Variants in ZEB1 observed in about 807,000 individuals in gnomAD.
The protein encoded by ZEB1 is zinc finger E-box-binding homeobox 1.
In ZEB1, 21 loss-of-function variants were observed where a neutral mutation model predicts 84.9. The observed-to-expected ratio is 0.25, with a 90% CI of 0.18 to 0.36. ZEB1 has a LOEUF of 0.36. ZEB1 is among the 10% of genes least tolerant of loss of function. The pLI, the probability that ZEB1 is intolerant of heterozygous loss-of-function variation, is 1.00. For missense variants in ZEB1, 1,104 were observed against 1,330.2 expected (o/e 0.83, Z 2.65); for synonymous variants, 420 against 471.1 (o/e 0.89, Z 1.41).
intron 4 of ZEB1, among the ~76,000 whole-genome samples, chr10:31,509,810 T>C (rs540494191): frequency 9.2e-5 from 14 of 152,338 alleles, no homozygotes; most frequent in Admixed American, 4.6e-4. Context: ...ATGTCAAATA[T>C]GGAAAACTAC....
rs983289858 is a variant in ZEB1, at chr10:31,328,191, A to C, written c.58+8899A>C. The stretch of plus-strand genomic sequence containing the variant: ...TTTCTTAGTTGTATTTTTTGTATTT[A>C]TATGTCTAATGCATCAGGAGTTCAC... On this transcript the variant is annotated intron_variant, in intron 1 of 8. Coordinates refer to ENST00000424869, the MANE Select transcript of ZEB1 (RefSeq NM_001174096.2). Among the ~76,000 whole-genome samples the C allele has an allele frequency of 2.0e-5, 3 of 152,068 alleles. No homozygotes were observed. The East Asian group carries it at 5.8e-4, about 29-fold the overall frequency.
intron 3 of ZEB1, among the ~76,000 whole-genome samples, chr10:31,500,407 A>G (rs1392977431): frequency 2.0e-5 from 3 of 151,996 alleles, no homozygotes; most frequent in African/African-American, 7.2e-5. Flanking sequence ...ATTAAGGGAA[A>G]ATTACCCTCA....
chr10:31,349,361 G>A (rs1405097279), intron 1 of ZEB1, among the ~76,000 whole-genome samples: 3 of 152,096 alleles, frequency 2.0e-5, no homozygotes, highest in Admixed American at 6.5e-5. Flanking sequence ...TGGCTCTTAC[G>A]AATAATGCTG....
rs1041866704 is a variant in ZEB1, at chr10:31,526,909, C to T, written c.3023C>T (p.Ser1008Leu). The change falls in exon 9 of 9, where the codon TCG becomes TTG. Residue 1008 changes from serine (S) to leucine (L), a missense_variant. Ser to Leu is a moderately radical substitution (Grantham distance 145, BLOSUM62 -2). Around this residue, in one of 7 missense-constraint regions of ZEB1, gnomAD observed 173 missense variants for 167.0 expected, o/e 1.04. Coordinates refer to ENST00000424869, the MANE Select transcript of ZEB1 (RefSeq NM_001174096.2). The stretch of plus-strand genomic sequence containing the variant: ...GAAGAGGCAGGGCCTGAAATCCTCT[C>T]GAATGAGCACGTGGGTGCCAGGGCG... ...EQEEAGPEILSNEHVGARASP... is the reference protein window; with the variant it reads ...EQEEAGPEILLNEHVGARASP... 3.7e-6 allele frequency: 6 copies of T among 1,614,068 alleles called. No homozygotes were observed. In the Admixed American group the frequency reaches 6.7e-5, roughly 18 times the overall value.
intron 1 of ZEB1, among the ~76,000 whole-genome samples, chr10:31,399,113 G>A (rs927260608): frequency 6.6e-6 from 1 of 151,448 alleles, no homozygotes; most frequent in African/African-American, 2.4e-5. Context: ...TCCTGCCTCA[G>A]CCTCCCATGT....
At chr10:31,362,647 G>A (rs2043490304) in intron 1 of ZEB1, among the ~76,000 whole-genome samples, 2 of 152,068 alleles carry the variant, frequency 1.3e-5, no homozygotes, top group South Asian at 4.1e-4. Context: ...AGATGGTGCG[G>A]TGGCCGGGCA....
At chr10:31,433,718 G>T (rs921232580) in intron 1 of ZEB1, among the ~76,000 whole-genome samples, 2 of 152,146 alleles carry the variant, frequency 1.3e-5, no homozygotes, top group Admixed American at 1.3e-4. Context: ...ACTTCATCAA[G>T]GATGTACTTA....
Position 31,528,071 on chromosome 10 carries a change from T to C in ZEB1, c.*807T>C, listed in dbSNP as rs781030918. On this transcript the variant is annotated 3_prime_UTR_variant, in exon 9 of 9. Coordinates refer to ENST00000424869, the MANE Select transcript of ZEB1 (RefSeq NM_001174096.2). ...CAGTGTTTGTGATTGTGTTTGAATA[T>C]GTGGTAACATATGAAGGATATGACA... 6 of 152,242 alleles carry C rather than the reference T, an allele frequency of 3.9e-5. No individual in the cohort carries two copies. The highest frequency in any genetic ancestry group is 7.3e-5 in the Non-Finnish European group (5 of 68,046). 9.4% of individuals were successfully genotyped at this position (152,242 alleles called of 1,614,324 possible). A position where few individuals can be genotyped will look rare whatever the true frequency, so the allele number is the denominator to read the frequency against.
intron 1 of ZEB1, among the ~76,000 whole-genome samples, chr10:31,443,268 A>T (rs887438188): frequency 6.6e-6 from 1 of 152,170 alleles, no homozygotes; most frequent in Non-Finnish European, 1.5e-5. Flanking sequence ...GTCAGCCTTT[A>T]GTCATATGTG....
intron 2 of ZEB1, among the ~76,000 whole-genome samples, chr10:31,469,918 C>G (rs1397385009): frequency 6.6e-6 from 1 of 152,218 alleles, no homozygotes; most frequent in Non-Finnish European, 1.5e-5. Flanking sequence ...AACCCCCGAG[C>G]AGCCTAACTG....
rs560126870 is a variant in ZEB1 at position 31,387,140 on chromosome 10, C to T, written c.58+67848C>T. 8.1e-6 allele frequency: 8 copies of T among 985,676 alleles called. 1 individual carries two copies. In the South Asian group the frequency reaches 3.3e-4, roughly 41 times the overall value. 61.1% of individuals were successfully genotyped at this position (985,676 alleles called of 1,614,324 possible). A position where few individuals can be genotyped will look rare whatever the true frequency, so the allele number is the denominator to read the frequency against. On this transcript the variant is annotated intron_variant, in intron 1 of 8. Transcript: ENST00000424869. ...CTCCCTTAGGACAACCTTAAACTTC[C>T]ACCACAAGAGGAATATAAAGAGGTC...
chr10:31,519,985 T>G, intron 6 of ZEB1, 141 bp from the exon 7 acceptor site: 1 of 1,133,092 alleles, frequency 8.8e-7, no homozygotes, highest in Non-Finnish European at 1.2e-6. Context: ...CTAAAAAGTT[T>G]ATTCTAAATA....
intron 2 of ZEB1, among the ~76,000 whole-genome samples, chr10:31,472,764 A>G (rs1019634773): frequency 5.2e-5 from 7 of 134,720 alleles, no homozygotes; most frequent in African/African-American, 2.2e-4. Flanking sequence ...AAAAAAGAGA[A>G]TTTTAGACCA....
At chr10:31,389,800 C>T (rs2135181649) in intron 1 of ZEB1, 1 of 152,110 alleles carries the variant, frequency 6.6e-6, no homozygotes, top group Admixed American at 6.6e-5. Flanking sequence ...AATATTATTC[C>T]AACATATAAT....
At chr10:31,320,206 A>C (rs2132861988) in intron 1 of ZEB1, 1 of 151,700 alleles carries the variant, frequency 6.6e-6, no homozygotes, top group Non-Finnish European at 1.5e-5. Flanking sequence ...AAGGCAGGAA[A>C]GGTACCCACT....
chr10:31,521,775 A>G lies in ZEB1; in HGVS notation c.2443A>G (p.Ile815Val), dbSNP rs757970056. 40 of 1,613,918 alleles carry G rather than the reference A, an allele frequency of 2.5e-5. No individual in the cohort carries two copies. The highest frequency in any genetic ancestry group is 3.3e-5 in the Non-Finnish European group (39 of 1,179,966). Residue 815 changes from isoleucine (I) to valine (V), a missense_variant, in exon 7 of 9, where the codon ATC (isoleucine) becomes GTC (valine). By Grantham distance (29) the Ile-to-Val change is conservative. Transcript: ENST00000424869. ...TACAGTCACTGCCCAGTTACCCACA[A>G]TCGTGGCCATTGCTGACCAGAACAG... ...IPTVTAQLPT[I>V]VAIADQNSVP... is the part of the protein sequence containing the mutation.
chr10:31,321,377 C>T (rs572124894), intron 1 of ZEB1: 4 of 1,552,062 alleles, frequency 2.6e-6, no homozygotes, highest in South Asian at 1.2e-5. Flanking sequence ...TGATTATAAA[C>T]GAAAGGTATT....
chr10:31,356,856 C>G (rs1328760661), intron 1 of ZEB1, among the ~76,000 whole-genome samples: 1 of 152,108 alleles, frequency 6.6e-6, no homozygotes, highest in Non-Finnish European at 1.5e-5. Flanking sequence ...TGATGGTGAT[C>G]ATGGGAGTAT....
chr10:31,361,817 C>T (rs534703209), intron 1 of ZEB1, among the ~76,000 whole-genome samples: 8 of 150,268 alleles, frequency 5.3e-5, no homozygotes, highest in Admixed American at 1.3e-4. Context: ...AGGGCAGAGG[C>T]GCTCCTCATT....
Sources: gnomAD v4.1 joint callset for allele counts (sites outside exome capture counted in the v4.1 genomes callset) on GRCh38, gnomAD v4.1.1 for gene constraint, gnomAD v4.1.1 regional missense constraint, MANE v1.5 for transcripts, NCBI Gene and HGNC (gene_info 2026-07-23, HGNC 2026-07-21) for gene names.